LDB2: variants seen among roughly 807,000 people sequenced by gnomAD.
LDB2 encodes LIM domain binding 2.
In LDB2, 12 loss-of-function variants were observed where a neutral mutation model predicts 44.3. The ratio of observed to expected loss-of-function variants is 0.27; its 90% confidence interval spans 0.17 to 0.44. The LOEUF is 0.44. Among genes scored for constraint, LDB2 ranks in the 20% least tolerant of loss-of-function variants. The pLI, the probability that LDB2 is intolerant of heterozygous loss-of-function variation, is 1.00. For missense variants in LDB2, 344 were observed against 473.5 expected (o/e 0.73, Z 2.54); for synonymous variants, 164 against 174.8 (o/e 0.94, Z 0.49).
intron 1 of LDB2, among the ~76,000 whole-genome samples, chr4:16,780,484 A>T (rs1276015781): frequency 6.6e-6 from 1 of 152,136 alleles, no homozygotes; most frequent in Non-Finnish European, 1.5e-5. Flanking sequence ...CAGCCTCCCA[A>T]AGTGATGGGA....
chr4:16,751,444 C>T (rs1765482218), intron 2 of LDB2, among the ~76,000 whole-genome samples: 1 of 152,170 alleles, frequency 6.6e-6, no homozygotes, highest in South Asian at 2.1e-4. Flanking sequence ...GTTCAAGCCA[C>T]TGTTATGGCC....
intron 1 of LDB2, among the ~76,000 whole-genome samples, chr4:16,790,535 T>C (rs922408482): frequency 1.3e-5 from 2 of 152,176 alleles, no homozygotes; most frequent in African/African-American, 2.4e-5. Context: ...AAAATGTACA[T>C]ACCACCTAGG....
intron 5 of LDB2, among the ~76,000 whole-genome samples, chr4:16,529,129 T>C (rs1398844205): frequency 1.3e-5 from 2 of 152,176 alleles, no homozygotes; most frequent in African/African-American, 4.8e-5. Flanking sequence ...CACCATTAAC[T>C]ATACAGATGA....
chr4:16,635,503 G>A (rs1733342652), intron 2 of LDB2, among the ~76,000 whole-genome samples: 1 of 152,148 alleles, frequency 6.6e-6, no homozygotes, highest in Non-Finnish European at 1.5e-5. Flanking sequence ...GTTTGCTTTA[G>A]ACACAGGTGA....
At chr4:16,673,971 C>T (rs183066437) in intron 2 of LDB2, among the ~76,000 whole-genome samples, 2 of 152,266 alleles carry the variant, frequency 1.3e-5, no homozygotes, top group African/African-American at 4.8e-5. Flanking sequence ...GCCCAGAGCA[C>T]TGAGAGAGCC....
chr4:16,554,564 C>T (rs190772879), intron 5 of LDB2, among the ~76,000 whole-genome samples: 1 of 152,040 alleles, frequency 6.6e-6, no homozygotes, highest in South Asian at 2.1e-4. Context: ...TGCACTGATG[C>T]ATTCAAAAAA....
At chr4:16,780,299 T>C (rs1035907689) in intron 1 of LDB2, among the ~76,000 whole-genome samples, 2 of 152,184 alleles carry the variant, frequency 1.3e-5, no homozygotes, top group African/African-American at 4.8e-5. Context: ...CTCAGCTCAC[T>C]GCAACCTCCG....
chr4:16,561,017 AC>A (rs1741962760), intron 5 of LDB2, among the ~76,000 whole-genome samples: 1 of 152,122 alleles, frequency 6.6e-6, no homozygotes, highest in South Asian at 2.1e-4. Flanking sequence ...AAATTCAACA[AC>A]CCTTCATGCT....
intron 1 of LDB2, among the ~76,000 whole-genome samples, chr4:16,788,287 G>A (rs1000299937): frequency 7.2e-5 from 11 of 152,230 alleles, no homozygotes; most frequent in Non-Finnish European, 8.8e-5. Context: ...TGCCAGTGCC[G>A]GATGCCAAGG....
chr4:16,725,256 A>G (rs537622687), intron 2 of LDB2, among the ~76,000 whole-genome samples: 9 of 152,130 alleles, frequency 5.9e-5, no homozygotes, highest in East Asian at 1.9e-4. Context: ...ACACACACAC[A>G]CACACGCACA....
intron 1 of LDB2, among the ~76,000 whole-genome samples, chr4:16,813,259 T>TA (rs1780244795): frequency 1.3e-5 from 2 of 152,144 alleles, no homozygotes; most frequent in African/African-American, 2.4e-5. Context: ...GTGCTGGAAT[T>TA]ACAGGTGTGA....
chr4:16,553,586 A>G (rs939622745), intron 5 of LDB2, among the ~76,000 whole-genome samples: 5 of 152,108 alleles, frequency 3.3e-5, no homozygotes, highest in Admixed American at 6.5e-5. Context: ...CTCAACCAAG[A>G]ATCCTTAACC....
At chr4:16,559,842 A>T (rs1741367285) in intron 5 of LDB2, among the ~76,000 whole-genome samples, 1 of 152,218 alleles carries the variant, frequency 6.6e-6, no homozygotes, top group Non-Finnish European at 1.5e-5. Context: ...CAAATGTAAA[A>T]GAACAGAAAT....
At chr4:16,891,113 GC>G (rs760242610) in intron 1 of LDB2, among the ~76,000 whole-genome samples, 155 of 151,410 alleles carry the variant, frequency 1.0e-3, no homozygotes, top group Middle Eastern at 3.4e-3. Context: ...AAATGAGATA[GC>G]TTTTATACTC....
intron 1 of LDB2, among the ~76,000 whole-genome samples, chr4:16,873,205 T>C (rs549176400): frequency 5.9e-5 from 9 of 152,264 alleles, no homozygotes; most frequent in Admixed American, 3.9e-4. Flanking sequence ...CATATTTGGA[T>C]AGTGGAGGTC....
intron 2 of LDB2, among the ~76,000 whole-genome samples, chr4:16,677,492 G>A (rs16893749): frequency 0.048 from 7,353 of 152,262 alleles, 254 homozygotes; most frequent in Admixed American, 0.1. Context: ...TCAGGCAGAA[G>A]AACTGGATTA....
intron 2 of LDB2, among the ~76,000 whole-genome samples, chr4:16,681,752 T>A (rs560948611): frequency 6.6e-6 from 1 of 151,590 alleles, no homozygotes; most frequent in Admixed American, 6.6e-5. Flanking sequence ...TTTGTATTTT[T>A]AGTAGAGACG....
At chr4:16,541,095 G>A (rs1037629443) in intron 5 of LDB2, among the ~76,000 whole-genome samples, 2 of 152,158 alleles carry the variant, frequency 1.3e-5, no homozygotes, top group Admixed American at 6.5e-5. Context: ...CATGGAGCAG[G>A]TGAAATCCAG....
chr4:16,771,856 C>G (rs1196535432), intron 1 of LDB2, among the ~76,000 whole-genome samples: 1 of 152,210 alleles, frequency 6.6e-6, no homozygotes, highest in Non-Finnish European at 1.5e-5. Context: ...CTGTGCTCTG[C>G]AAAGAAGCCT....
Sources: allele counts gnomAD v4.1 joint callset (sites outside exome capture counted in the v4.1 genomes callset), GRCh38; gene constraint gnomAD v4.1.1; transcripts MANE v1.5; gene names NCBI Gene and HGNC (gene_info 2026-07-23, HGNC 2026-07-21).